The following TSPAN5 variants were observed in gnomAD, a reference collection of about 807,000 sequenced individuals.
TSPAN5 encodes the protein tetraspanin-5.
In TSPAN5, 10 loss-of-function variants were observed where a neutral mutation model predicts 37.1. The ratio of observed to expected loss-of-function variants is 0.27; its 90% CI spans 0.17 to 0.46. TSPAN5 has a LOEUF of 0.46. Ranked by LOEUF, TSPAN5 falls within the 20% of genes least tolerant of loss-of-function variation. TSPAN5 has a pLI of 1.00. For missense variants in TSPAN5, 195 were observed against 326.6 expected, an observed-to-expected ratio of 0.60 and a Z score of 3.11; for synonymous variants, 110 against 118.9, an observed-to-expected ratio of 0.93 and a Z score of 0.48.
chr4:98,474,503 A>G (rs1308126497), intron 7 of TSPAN5, among the ~76,000 whole-genome samples: 3 of 151,996 alleles, frequency 2.0e-5, no homozygotes, highest in Admixed American at 1.3e-4. Context: ...ATGCGCCATC[A>G]TGCCCAGCTA....
intron 1 of TSPAN5, among the ~76,000 whole-genome samples, chr4:98,617,161 C>T (rs1756361331): frequency 6.6e-6 from 1 of 152,038 alleles, no homozygotes; most frequent in South Asian, 2.1e-4. Flanking sequence ...GTGTCACTTA[C>T]ACAGAAGTAA....
At chr4:98,658,075 A>G in intron 1 of TSPAN5, 71 bp downstream of exon 1, 1 of 1,403,860 alleles carries the variant, frequency 7.1e-7, no homozygotes, top group Non-Finnish European at 1.0e-6. Context: ...AAAGGCAACG[A>G]ACAACGTGGG....
rs532387777 is a variant in TSPAN5, at chr4:98,518,564, C to T, written c.82-10836G>A. Among the ~76,000 whole-genome samples, 23 of 152,238 alleles carry T rather than the reference C, an allele frequency of 1.5e-4. 1 individual carries two copies. The highest frequency in any genetic ancestry group is 1.0e-3 in the South Asian group (5 of 4,820). On this transcript the variant is annotated intron_variant, in intron 1 of 7. Transcript: ENST00000305798. ...ACACTTGAACTGTATTTTAAAGAGACGGCGATAGAAAGACTATCTCCTGTA... is the reference window on the plus strand; with the variant it reads ...ACACTTGAACTGTATTTTAAAGAGATGGCGATAGAAAGACTATCTCCTGTA...
intron 1 of TSPAN5, among the ~76,000 whole-genome samples, chr4:98,619,314 C>T (rs771793963): frequency 1.6e-4 from 24 of 152,280 alleles, no homozygotes; most frequent in Non-Finnish European, 3.1e-4. Context: ...TCAGACATCT[C>T]GTGCAGTATC....
At chr4:98,517,537 C>T (rs779566391) in intron 1 of TSPAN5, among the ~76,000 whole-genome samples, 11 of 152,014 alleles carry the variant, frequency 7.2e-5, no homozygotes, top group Non-Finnish European at 1.0e-4. Flanking sequence ...GAAGGCCAGG[C>T]ACCCCTTGAA....
At chr4:98,651,410 A>C (rs1391702896) in intron 1 of TSPAN5, among the ~76,000 whole-genome samples, 1 of 152,246 alleles carries the variant, frequency 6.6e-6, no homozygotes, top group Non-Finnish European at 1.5e-5. Flanking sequence ...TTATGGGAGC[A>C]ACTGGGAAAC....
intron 1 of TSPAN5, among the ~76,000 whole-genome samples, chr4:98,605,839 C>T (rs547813540): frequency 5.9e-5 from 9 of 152,172 alleles, no homozygotes; most frequent in African/African-American, 1.4e-4. Flanking sequence ...AAAAAAATCA[C>T]GAACCATTGT....
At chr4:98,597,460 C>T (rs1579018298) in intron 1 of TSPAN5, among the ~76,000 whole-genome samples, 1 of 53,236 alleles carries the variant, frequency 1.9e-5, no homozygotes, top group East Asian at 5.6e-4. Flanking sequence ...CTCCATCCAG[C>T]TTTGTTCTGT....
intron 1 of TSPAN5, among the ~76,000 whole-genome samples, chr4:98,526,857 G>A (rs1015841899): frequency 6.6e-6 from 1 of 152,182 alleles, no homozygotes. Context: ...CATGTGGCAA[G>A]ATAAAGTACT....
chr4:98,478,338 T>C (rs1752752942), intron 5 of TSPAN5, among the ~76,000 whole-genome samples: 1 of 152,240 alleles, frequency 6.6e-6, no homozygotes, highest in South Asian at 2.1e-4. Flanking sequence ...TCCACTCCAT[T>C]GCCTGCTAGC....
At position 98,498,903 on chromosome 4, in the gene TSPAN5, G is replaced by A. The variant is rs528864190; in HGVS notation, c.132+8775C>T. 3.9e-5 allele frequency among the ~76,000 whole-genome samples: 6 copies of A among 152,234 alleles called. No individual in the cohort carries two copies. In the South Asian group the frequency reaches 8.3e-4, roughly 21 times the overall value. ...GGGCTGTTCTGGGGGCACTGACCTC[G>A]CTCCCAGATGAGTATGTCCTGGAGA... On this transcript the variant is annotated intron_variant, in intron 2 of 7. Coordinates refer to ENST00000305798, the MANE Select transcript of TSPAN5 (RefSeq NM_005723.4).
At chr4:98,545,304 G>A (rs1754445410) in intron 1 of TSPAN5, among the ~76,000 whole-genome samples, 1 of 152,214 alleles carries the variant, frequency 6.6e-6, no homozygotes, top group Non-Finnish European at 1.5e-5. Flanking sequence ...TACCTTCAGA[G>A]CAACTGGAAA....
chr4:98,518,815 T>C (rs952955182), intron 1 of TSPAN5, among the ~76,000 whole-genome samples: 2 of 152,224 alleles, frequency 1.3e-5, no homozygotes, highest in Admixed American at 6.5e-5. Flanking sequence ...AAGTTCTGTC[T>C]TCTTAACAAG....
At chr4:98,478,647 G>A in intron 5 of TSPAN5, 38 bp downstream of exon 5, 4 of 1,613,804 alleles carry the variant, frequency 2.5e-6, no homozygotes, top group Non-Finnish European at 3.4e-6. Context: ...TCGGCATGAT[G>A]TACAGAGTAG....
At chr4:98,508,031 T>G (rs1260829124) in intron 1 of TSPAN5, among the ~76,000 whole-genome samples, 11 of 152,088 alleles carry the variant, frequency 7.2e-5, no homozygotes, top group African/African-American at 2.4e-4. Context: ...CCTTTTAGGG[T>G]AGGGGAGGAA....
At chr4:98,587,421 C>G (rs998721654) in intron 1 of TSPAN5, among the ~76,000 whole-genome samples, 1 of 152,140 alleles carries the variant, frequency 6.6e-6, no homozygotes, top group Non-Finnish European at 1.5e-5. Context: ...TCCAAAGAAG[C>G]CTAATTATTA....
chr4:98,607,859 C>T (rs773786745), intron 1 of TSPAN5, among the ~76,000 whole-genome samples: 41 of 152,002 alleles, frequency 2.7e-4, no homozygotes, highest in Admixed American at 1.5e-3. Flanking sequence ...TACAAGTGCC[C>T]GCCACCATGC....
In TSPAN5 at chr4:98,486,842, A is replaced by G. The variant is rs1300083773; in HGVS notation, c.175T>C (p.Phe59Leu). The G allele has an allele frequency of 6.2e-7, 1 of 1,614,138 alleles. No individual in the cohort carries two copies. Residue 59 changes from phenylalanine (F) to leucine (L), a missense_variant, in exon 3 of 8, where the codon TTT (phenylalanine) becomes CTT (leucine). Coordinates refer to ENST00000305798, the MANE Select transcript of TSPAN5 (RefSeq NM_005723.4). ...ACAAGGAAGAGCCAAACTGGGTCAA[A>G]GCCGCCGAGATCGGTGATGGAAGAG... is the stretch of plus-strand genomic sequence containing the variant. ...NISSITDLGG[F>L]DPVWLFLVVG...
intron 1 of TSPAN5, among the ~76,000 whole-genome samples, chr4:98,642,629 C>T (rs561994873): frequency 2.0e-5 from 3 of 152,076 alleles, no homozygotes; most frequent in Admixed American, 1.3e-4. Flanking sequence ...TATCTACAGT[C>T]CCACACTACA....
Sources: allele counts gnomAD v4.1 joint callset (sites outside exome capture counted in the v4.1 genomes callset), GRCh38; gene constraint gnomAD v4.1.1; transcripts MANE v1.5; gene names NCBI Gene and HGNC (gene_info 2026-07-23, HGNC 2026-07-21).